The following ZBTB7C variants were observed in gnomAD, a reference collection of about 807,000 sequenced individuals.
The protein encoded by ZBTB7C is zinc finger and BTB domain containing 7C, also known as zinc finger and BTB domain-containing protein 7C.
Under a neutral mutation model 25.7 loss-of-function variants are expected in ZBTB7C, and 8 were observed. That is an observed-to-expected ratio of 0.31 (90% CI 0.18 to 0.56). ZBTB7C has a LOEUF of 0.56. Among genes scored for constraint, ZBTB7C ranks in the 20% least tolerant of loss-of-function variants. The pLI is 0.91. For missense variants in ZBTB7C, 824 were observed against 855.2 expected (o/e 0.96, Z 0.46); for synonymous variants, 394 against 369.0 (o/e 1.07, Z -0.78).
chr18:48,288,270 G>A (rs1038483135), intron 2 of ZBTB7C, among the ~76,000 whole-genome samples: 2 of 152,164 alleles, frequency 1.3e-5, no homozygotes, highest in Admixed American at 6.6e-5. Context: ...AGCCCCCAAG[G>A]TAATTGTGTA....
intron 2 of ZBTB7C, among the ~76,000 whole-genome samples, chr18:48,307,227 T>C (rs2045697234): frequency 6.6e-6 from 1 of 152,216 alleles, no homozygotes; most frequent in Admixed American, 6.5e-5. Context: ...TGATGAATGC[T>C]ATGTCCCCTT....
intron 1 of ZBTB7C, among the ~76,000 whole-genome samples, chr18:48,401,731 G>A (rs1599048199): frequency 1.3e-5 from 2 of 152,008 alleles, no homozygotes; most frequent in South Asian, 2.1e-4. Context: ...CAGCACCCCC[G>A]GTCCCAGTCT....
At chr18:48,251,089 G>T (rs539462097) in intron 2 of ZBTB7C, among the ~76,000 whole-genome samples, 62 of 152,142 alleles carry the variant, frequency 4.1e-4, no homozygotes, top group Middle Eastern at 3.4e-3. Context: ...TAAATTAGCT[G>T]GGCGTGGTTG....
intron 1 of ZBTB7C, among the ~76,000 whole-genome samples, chr18:48,348,559 G>A (rs2046792492): frequency 6.6e-6 from 1 of 152,198 alleles, no homozygotes; most frequent in Non-Finnish European, 1.5e-5. Flanking sequence ...GCTCATGCCT[G>A]TAATCCCAGC....
chr18:48,261,747 T>C (rs887893523), intron 2 of ZBTB7C, among the ~76,000 whole-genome samples: 1 of 152,194 alleles, frequency 6.6e-6, no homozygotes, highest in Non-Finnish European at 1.5e-5. Flanking sequence ...CCAGGTGGCA[T>C]CAGCTCAGGC....
chr18:48,256,844 T>C (rs2044035289), intron 2 of ZBTB7C, among the ~76,000 whole-genome samples: 1 of 151,814 alleles, frequency 6.6e-6, no homozygotes, highest in African/African-American at 2.4e-5. Flanking sequence ...CCTGAGGTAA[T>C]ACAGGTAATA....
At chr18:48,272,105 A>C (rs2044510369) in intron 2 of ZBTB7C, among the ~76,000 whole-genome samples, 1 of 152,196 alleles carries the variant, frequency 6.6e-6, no homozygotes, top group African/African-American at 2.4e-5. Flanking sequence ...AGTGATGCCC[A>C]GATAGCTGGT....
intron 1 of ZBTB7C, among the ~76,000 whole-genome samples, chr18:48,354,028 T>C (rs575672986): frequency 5.9e-4 from 90 of 152,290 alleles, no homozygotes; most frequent in African/African-American, 2.0e-3. Flanking sequence ...ATACACTCAA[T>C]TGGTAGCAGA....
intron 3 of ZBTB7C, among the ~76,000 whole-genome samples, chr18:48,164,690 G>A (rs2041181751): frequency 6.6e-6 from 1 of 151,970 alleles, no homozygotes; most frequent in Admixed American, 6.6e-5. Flanking sequence ...GCAGAGAATG[G>A]GCCTCCCTGC....
intron 2 of ZBTB7C, among the ~76,000 whole-genome samples, chr18:48,328,987 A>C (rs1033702270): frequency 2.0e-5 from 3 of 152,170 alleles, no homozygotes; most frequent in Admixed American, 1.3e-4. Flanking sequence ...TTACAAAACT[A>C]ATTAGAATGA....
chr18:48,351,370 G>A (rs2046858703), intron 1 of ZBTB7C, among the ~76,000 whole-genome samples: 4 of 152,076 alleles, frequency 2.6e-5, no homozygotes, highest in Admixed American at 2.6e-4. Context: ...AGCAAAGGAG[G>A]GCCCAAGTTC....
chr18:48,119,070 C>T (rs2039540358), intron 3 of ZBTB7C, among the ~76,000 whole-genome samples: 1 of 152,058 alleles, frequency 6.6e-6, no homozygotes, highest in Non-Finnish European at 1.5e-5. Context: ...CTTGTTAAAA[C>T]AAAGATCACT....
intron 3 of ZBTB7C, among the ~76,000 whole-genome samples, chr18:48,166,379 T>C (rs1325313058): frequency 2.0e-5 from 3 of 152,242 alleles, no homozygotes; most frequent in Non-Finnish European, 2.9e-5. Context: ...GGATGCTTCA[T>C]AGAAGAAGAA....
chr18:48,159,591 C>T (rs1379527892), intron 3 of ZBTB7C, among the ~76,000 whole-genome samples: 1 of 152,220 alleles, frequency 6.6e-6, no homozygotes, highest in East Asian at 1.9e-4. Flanking sequence ...TTTACCAAAG[C>T]CAAGCTCAAC....
intron 3 of ZBTB7C, among the ~76,000 whole-genome samples, chr18:48,086,950 C>T (rs879709266): frequency 2.3e-4 from 35 of 152,180 alleles, no homozygotes; most frequent in Admixed American, 2.0e-3. Flanking sequence ...TCCTACAAGG[C>T]GCTGTGCTAA....
At chr18:48,227,076 C>T (rs907750060) in intron 2 of ZBTB7C, among the ~76,000 whole-genome samples, 18 of 149,398 alleles carry the variant, frequency 1.2e-4, no homozygotes, top group African/African-American at 2.7e-4. Flanking sequence ...TAGCTATATA[C>T]TCTTTAGCCC....
At chr18:48,047,692 G>A (rs899325635) in intron 3 of ZBTB7C, among the ~76,000 whole-genome samples, 1 of 152,148 alleles carries the variant, frequency 6.6e-6, no homozygotes, top group Admixed American at 6.5e-5. Flanking sequence ...TAAAATGAGA[G>A]CATCTGTCCT....
chr18:48,087,607 C>A (rs10468995), intron 3 of ZBTB7C: 53,558 of 151,622 alleles, frequency 0.35, 9,810 homozygotes, highest in African/African-American at 0.46. Flanking sequence ...CAATAAAGCA[C>A]AACCCCATCT....
At chr18:48,210,696 G>A (rs1485410627) in intron 2 of ZBTB7C, among the ~76,000 whole-genome samples, 1 of 151,612 alleles carries the variant, frequency 6.6e-6, no homozygotes, top group Non-Finnish European at 1.5e-5. Context: ...ATGGGTACGA[G>A]GTGTCTCCGG....
Sources: gnomAD v4.1 joint callset for allele counts (sites outside exome capture counted in the v4.1 genomes callset) on GRCh38, gnomAD v4.1.1 for gene constraint, MANE v1.5 for transcripts, NCBI Gene and HGNC (gene_info 2026-07-23, HGNC 2026-07-21) for gene names.